Variants in STAB2 observed in about 807,000 individuals in gnomAD.
The protein encoded by STAB2 is stabilin 2, also known as stabilin-2.
STAB2 carries 288 observed loss-of-function variants against 338.1 expected under a neutral mutation model. The observed-to-expected ratio is 0.85, with a 90% CI of 0.77 to 0.94. STAB2 has a LOEUF of 0.94. Among genes scored for constraint, STAB2 ranks in the 40% least tolerant of loss-of-function variants. The pLI is 0.00. For synonymous variants in STAB2, 1,202 were observed against 1,193.3 expected, an observed-to-expected ratio of 1.01 and a Z score of -0.15; for missense variants, 3,141 against 3,210.1, an observed-to-expected ratio of 0.98 and a Z score of 0.52.
chr12:103,692,975 G>A, intron 31 of STAB2, 86 bp downstream of exon 31: 1 of 1,077,742 alleles, frequency 9.3e-7, no homozygotes, highest in African/African-American at 1.6e-5. Flanking sequence ...TTTTTAAATA[G>A]AAAAATACTT....
At chr12:103,659,321 GT>G (rs1366669466) in intron 15 of STAB2, among the ~76,000 whole-genome samples, 2 of 152,220 alleles carry the variant, frequency 1.3e-5, no homozygotes, top group Non-Finnish European at 2.9e-5. Flanking sequence ...CCTTGGCACA[GT>G]GACCAAGGCC....
In STAB2 at chr12:103,706,901, C is replaced by G; in HGVS notation, c.4106C>G (p.Thr1369Arg). 1 of 1,614,204 alleles carries G rather than the reference C, an allele frequency of 6.2e-7. No homozygotes were observed. Among genetic ancestry groups the G allele is most frequent in the East Asian group, 2.2e-5 (1 of 44,884 alleles). The stretch of plus-strand genomic sequence containing the variant: ...ATCTGTTTGGATGGAGTGAATGGCA[C>G]AGGTGTGTGTGAGTGTGGGGAGGGC... ...NGICLDGVNGTGVCECGEGFS... is the reference protein window; with the variant it reads ...NGICLDGVNGRGVCECGEGFS... The change falls in exon 38 of 69, where the codon ACA becomes AGA. Residue 1369 changes from threonine to arginine, a missense_variant. By Grantham distance (71) the Thr-to-Arg change is moderately conservative. Coordinates refer to ENST00000388887, the MANE Select transcript of STAB2 (RefSeq NM_017564.10).
intron 5 of STAB2, among the ~76,000 whole-genome samples, chr12:103,623,850 G>A (rs561315741): frequency 4.6e-4 from 70 of 152,224 alleles, no homozygotes; most frequent in East Asian, 7.7e-4. Context: ...CCAAGCGCTC[G>A]TCCTAAGGTT....
rs1875417895 is a variant in STAB2 at position 103,668,753 on chromosome 12, C to G, written c.2172+24C>G. Reference sequence around the variant, plus strand: ...AGGTGAGGAGCGCGTGGCCGAGGCCCAGTCTAGGCCAGTAGGGCCAGGCAG... The same window carrying G: ...AGGTGAGGAGCGCGTGGCCGAGGCCGAGTCTAGGCCAGTAGGGCCAGGCAG... On this transcript the variant is annotated intron_variant, in intron 20 of 68. Transcript: ENST00000388887. 4 of 1,514,960 alleles carry G rather than the reference C, an allele frequency of 2.6e-6. No individual in the cohort carries two copies. In the African/African-American group the frequency reaches 4.1e-5, roughly 16 times the overall value. The allele number at this position is 1,514,960 out of a possible 1,614,324, so 93.8% of individuals were successfully genotyped here. A position where few individuals can be genotyped will look rare whatever the true frequency, so the allele number is the denominator to read the frequency against.
In STAB2 at chr12:103,766,448, C is replaced by A; in HGVS notation, c.*112C>A. 2 of 1,241,298 alleles carry A rather than the reference C, an allele frequency of 1.6e-6. No individual in the cohort carries two copies. The highest frequency in any genetic ancestry group is 2.2e-6 in the Non-Finnish European group (2 of 891,198). The allele number at this position is 1,241,298 out of a possible 1,614,324, so 76.9% of individuals were successfully genotyped here. A position where few individuals can be genotyped will look rare whatever the true frequency, so the allele number is the denominator to read the frequency against. On this transcript the variant is annotated 3_prime_UTR_variant, in exon 69 of 69. Coordinates refer to ENST00000388887, the MANE Select transcript of STAB2 (RefSeq NM_017564.10). Reference sequence around the variant, plus strand: ...GTAAAGTCCTTTAAGCACTCAGAAGCCATACCTCATCTCTCTGGCTGATCT... The same window carrying A: ...GTAAAGTCCTTTAAGCACTCAGAAGACATACCTCATCTCTCTGGCTGATCT...
intron 46 of STAB2, among the ~76,000 whole-genome samples, chr12:103,726,438 C>G (rs1391920036): frequency 6.6e-6 from 1 of 152,228 alleles, no homozygotes; most frequent in African/African-American, 2.4e-5. Context: ...TTGCAGTGAG[C>G]TGAGATCATG....
intron 43 of STAB2, 63 bp downstream of exon 43, chr12:103,715,951 C>T: frequency 6.5e-7 from 1 of 1,542,622 alleles, no homozygotes; most frequent in Non-Finnish European, 8.9e-7. Flanking sequence ...TCTTTAGACA[C>T]AGGCCTGAGA....
At chr12:103,755,801 G>T in intron 63 of STAB2, 83 bp downstream of exon 63, 10 of 1,277,360 alleles carry the variant, frequency 7.8e-6, no homozygotes, top group Non-Finnish European at 1.1e-5. Flanking sequence ...GCCTTAAGCT[G>T]AAGGCCACAG....
chr12:103,656,899 G>T (rs1052276866), intron 15 of STAB2, among the ~76,000 whole-genome samples: 5 of 149,714 alleles, frequency 3.3e-5, no homozygotes, highest in African/African-American at 1.2e-4. Context: ...TGTTAGCCAG[G>T]ATGGTCTCGA....
chr12:103,738,587 G>A (rs1370785), intron 53 of STAB2, among the ~76,000 whole-genome samples: 25,128 of 152,166 alleles, frequency 0.17, 2,317 homozygotes, highest in Admixed American at 0.27. Flanking sequence ...GTCAGCCAAA[G>A]TAGGAGATGA....
intron 9 of STAB2, among the ~76,000 whole-genome samples, chr12:103,641,858 G>A (rs939845061): frequency 6.6e-6 from 1 of 152,122 alleles, no homozygotes; most frequent in African/African-American, 2.4e-5. Flanking sequence ...AAAGGCCTAA[G>A]TAAAAAAGCT....
At chr12:103,702,007 CACACACACACACA>C (rs2138960504) in intron 34 of STAB2, among the ~76,000 whole-genome samples, 1 of 146,388 alleles carries the variant, frequency 6.8e-6, no homozygotes, top group African/African-American at 2.4e-5. Context: ...CACACACACA[CACACACACACACA>C]CACCCCACCC....
intron 63 of STAB2, among the ~76,000 whole-genome samples, chr12:103,757,510 T>C (rs1593349467): frequency 1.3e-5 from 2 of 152,342 alleles, no homozygotes; most frequent in Admixed American, 1.3e-4. Flanking sequence ...ATCCAGATCC[T>C]ATGGAAAAAG....
At chr12:103,617,621 G>A (rs146213737) in intron 3 of STAB2, among the ~76,000 whole-genome samples, 5 of 152,282 alleles carry the variant, frequency 3.3e-5, no homozygotes, top group East Asian at 1.9e-4. Context: ...TGACACAATC[G>A]CATCGCATTT....
At position 103,703,162 on chromosome 12, in the gene STAB2, G is replaced by T; in HGVS notation, c.3729G>T (p.Glu1243Asp). 1 of 1,613,528 alleles carries T rather than the reference G, an allele frequency of 6.2e-7. No individual in the cohort carries two copies. The highest frequency in any genetic ancestry group is 8.5e-7 in the Non-Finnish European group (1 of 1,179,934). The change falls in exon 35 of 69, where the codon GAG (glutamate) becomes GAT (aspartate). Residue 1243 changes from glutamate (E) to aspartate (D), a missense_variant. Transcript: ENST00000388887. ...FLHNDQLYVN[E>D]APINYTNVAT... ...GTTGTTCACAGCTCTATGTAAATGA[G>T]GCTCCAATAAACTACACCAATGTAG...
chr12:103,761,877 T>C (rs559575049), intron 66 of STAB2, among the ~76,000 whole-genome samples: 5 of 152,180 alleles, frequency 3.3e-5, no homozygotes, highest in South Asian at 4.1e-4. Context: ...GTGATGGTGG[T>C]TGTTAGTATT....
intron 3 of STAB2, among the ~76,000 whole-genome samples, chr12:103,598,185 A>G (rs1956904834): frequency 6.6e-6 from 1 of 152,222 alleles, no homozygotes; most frequent in Non-Finnish European, 1.5e-5. Flanking sequence ...AGAGCTATAA[A>G]TGGAATATTG....
intron 5 of STAB2, among the ~76,000 whole-genome samples, 157 bp from the exon 6 acceptor site, chr12:103,631,441 T>TAAAAA (rs10668571): frequency 1.4e-5 from 2 of 147,952 alleles, no homozygotes; most frequent in Non-Finnish European, 1.5e-5. Context: ...ATGTTAAACT[T>TAAAAA]AAAAAAAAAA....
intron 63 of STAB2, 37 bp downstream of exon 63, chr12:103,755,755 G>C: frequency 6.2e-7 from 1 of 1,606,342 alleles, no homozygotes; most frequent in Non-Finnish European, 8.5e-7. Flanking sequence ...CTCAGGCAGG[G>C]AGGGGTTGCC....
Sources: allele counts gnomAD v4.1 joint callset (sites outside exome capture counted in the v4.1 genomes callset), GRCh38; gene constraint gnomAD v4.1.1; transcripts MANE v1.5; gene names NCBI Gene and HGNC (gene_info 2026-07-23, HGNC 2026-07-21).